ERBIN: variants seen among roughly 807,000 people sequenced by gnomAD.
ERBIN encodes the protein densin-180-like protein.
Under a neutral mutation model 158.4 loss-of-function variants are expected in ERBIN, and 60 were observed. The ratio of observed to expected loss-of-function variants is 0.38; its 90% CI spans 0.31 to 0.47. ERBIN has a LOEUF of 0.47. Ranked by LOEUF, ERBIN falls within the 20% of genes least tolerant of loss-of-function variation. The probability of loss-of-function intolerance (pLI) is 0.99; values close to 1 mark genes in which losing one functional copy is unlikely to be tolerated. For missense variants in ERBIN, 1,610 were observed against 1,648.0 expected (o/e 0.98, Z 0.40); for synonymous variants, 594 against 557.2 (o/e 1.07, Z -0.93).
At chr5:66,029,715 T>G (rs991198617) in intron 14 of ERBIN, among the ~76,000 whole-genome samples, 7 of 151,984 alleles carry the variant, frequency 4.6e-5, no homozygotes, top group Non-Finnish European at 1.0e-4. Flanking sequence ...AGCGATTCTC[T>G]TGCCTCAGCC....
chr5:65,958,757 A>G (rs529867809), intron 1 of ERBIN, among the ~76,000 whole-genome samples: 1 of 152,312 alleles, frequency 6.6e-6, no homozygotes, highest in African/African-American at 2.4e-5. Context: ...TACCAATACA[A>G]CCATTCAGTT....
rs1298465131 is a variant in ERBIN at position 66,078,809 on chromosome 5, T to G, written c.*279T>G. ...AAACCTGTGTTGTTTTTGTATAGAT[T>G]GTAGGTTTATTTTTGGATTTCATAT... On this transcript the variant is annotated 3_prime_UTR_variant, in exon 26 of 26. Transcript: ENST00000284037. The G allele has an allele frequency of 8.6e-6, 3 of 347,378 alleles. No individual in the cohort carries two copies. Among genetic ancestry groups the G allele is most frequent in the East Asian group, 1.4e-4 (2 of 13,864 alleles). 21.5% of individuals were successfully genotyped at this position (347,378 alleles called of 1,614,324 possible).
chr5:65,990,580 C>T (rs960385246), intron 2 of ERBIN, among the ~76,000 whole-genome samples: 1 of 151,672 alleles, frequency 6.6e-6, no homozygotes, highest in Admixed American at 6.6e-5. Context: ...ATGGCGTGAA[C>T]CCGGGCAGCG....
At chr5:65,990,675 A>G (rs1751772879) in intron 2 of ERBIN, among the ~76,000 whole-genome samples, 1 of 149,620 alleles carries the variant, frequency 6.7e-6, no homozygotes, top group African/African-American at 2.5e-5. Flanking sequence ...AATTGTAGTG[A>G]TGATGAAATG....
intron 21 of ERBIN, among the ~76,000 whole-genome samples, chr5:66,069,287 A>G (rs951857739): frequency 6.6e-6 from 1 of 152,230 alleles, no homozygotes; most frequent in African/African-American, 2.4e-5. Flanking sequence ...GAGATCTTCA[A>G]AAACTATTCT....
chr5:66,007,681 T>C (rs1753762800), intron 4 of ERBIN, among the ~76,000 whole-genome samples: 1 of 152,248 alleles, frequency 6.6e-6, no homozygotes, highest in African/African-American at 2.4e-5. Flanking sequence ...TTTGTTTTCC[T>C]TATTGCATTT....
intron 21 of ERBIN, chr5:66,068,904 A>G: frequency 6.5e-7 from 1 of 1,535,458 alleles, no homozygotes; most frequent in Non-Finnish European, 8.7e-7. Flanking sequence ...CTTTAATTCC[A>G]ATTTTACTAC....
At chr5:66,052,230 T>G (rs963329755) in intron 20 of ERBIN, among the ~76,000 whole-genome samples, 1 of 151,576 alleles carries the variant, frequency 6.6e-6, no homozygotes, top group African/African-American at 2.4e-5. Flanking sequence ...GGGTTACTAC[T>G]AAACCAAAAG....
chr5:66,002,009 C>A (rs535563189), intron 4 of ERBIN, among the ~76,000 whole-genome samples: 49 of 152,110 alleles, frequency 3.2e-4, no homozygotes, highest in Middle Eastern at 3.2e-3. Flanking sequence ...GTTCCCCTCC[C>A]TGCGTCCATG....
intron 14 of ERBIN, 74 bp from the exon 15 acceptor site, chr5:66,038,309 T>C (rs1169559753): frequency 2.2e-6 from 2 of 924,356 alleles, no homozygotes; most frequent in African/African-American, 3.3e-5. Context: ...TGGTGTGTAC[T>C]TATGCAGAGG....
chr5:66,060,142 A>G lies in ERBIN; in HGVS notation c.3633+5191A>G, dbSNP rs1201499020. The stretch of plus-strand genomic sequence containing the variant: ...CAGCTCCTCCTTGTAACTCTGGTAG[A>G]ATTCAGCTGTGAATCCATGTGGTCC... On this transcript the variant is annotated intron_variant, in intron 21 of 25. Coordinates refer to ENST00000284037, the MANE Select transcript of ERBIN (RefSeq NM_001253697.2). 2.0e-5 allele frequency among the ~76,000 whole-genome samples: 3 copies of G among 152,178 alleles called. No individual in the cohort carries two copies. In the East Asian group the frequency reaches 5.8e-4, roughly 29 times the overall value.
At chr5:65,926,982 T>C (rs1202798548) in intron 1 of ERBIN, among the ~76,000 whole-genome samples, 176 bp downstream of exon 1, 4 of 152,024 alleles carry the variant, frequency 2.6e-5, no homozygotes, top group Admixed American at 6.5e-5. Flanking sequence ...CCCCACCGCG[T>C]CCCTTCTCCC....
Position 66,078,559 on chromosome 5 carries a change from C to A in ERBIN, c.*29C>A, listed in dbSNP as rs369360103. 5.5e-5 allele frequency: 73 copies of A among 1,336,922 alleles called. No individual in the cohort carries two copies. In the African/African-American group the frequency reaches 9.1e-4, roughly 17 times the overall value. 82.8% of individuals were successfully genotyped at this position (1,336,922 alleles called of 1,614,324 possible). A position where few individuals can be genotyped will look rare whatever the true frequency, so the allele number is the denominator to read the frequency against. ...CTGTGGACAAAAAAAGCGGGGAAGA[C>A]AGCAAGATTTATTGGAAGATACTTA... On this transcript the variant is annotated 3_prime_UTR_variant, in exon 26 of 26. Transcript: ENST00000284037.
At chr5:66,004,103 A>AT (rs57148473) in intron 4 of ERBIN, among the ~76,000 whole-genome samples, 7,332 of 105,126 alleles carry the variant, frequency 0.07, 390 homozygotes, top group Admixed American at 0.17. Context: ...ATGCTCGGCT[A>AT]TTTTTTTTTT....
At chr5:65,976,920 C>A (rs1303607758) in intron 1 of ERBIN, among the ~76,000 whole-genome samples, 1 of 151,992 alleles carries the variant, frequency 6.6e-6, no homozygotes, top group Non-Finnish European at 1.5e-5. Context: ...CTACCTCTTT[C>A]TACACAGACA....
chr5:66,053,174 C>A (rs1759210609), intron 20 of ERBIN, among the ~76,000 whole-genome samples: 1 of 152,072 alleles, frequency 6.6e-6, no homozygotes, highest in Non-Finnish European at 1.5e-5. Context: ...GAAAATTAAT[C>A]TTGGTATTAT....
chr5:66,046,929 A>G (rs1254020797), intron 18 of ERBIN, among the ~76,000 whole-genome samples: 2 of 151,574 alleles, frequency 1.3e-5, no homozygotes, highest in Non-Finnish European at 2.9e-5. Context: ...CTTCTAGTGG[A>G]TAAATAAAAG....
rs150029619 is a variant in ERBIN, at chr5:65,967,685, C to T, written c.-57-20950C>T. Among the ~76,000 whole-genome samples the T allele has an allele frequency of 5.7e-4, 87 of 152,344 alleles. 1 individual carries two copies. Among genetic ancestry groups the T allele is most frequent in the Admixed American group, 6.5e-4 (10 of 15,306 alleles). Reference sequence around the variant, plus strand: ...CCTGTCAAGCAATGCACGATTGTTTCTTCCAACAAAGATGCCTTTGGTTAA... The same window carrying T: ...CCTGTCAAGCAATGCACGATTGTTTTTTCCAACAAAGATGCCTTTGGTTAA... On this transcript the variant is annotated intron_variant, in intron 1 of 25. Coordinates refer to ENST00000284037, the MANE Select transcript of ERBIN (RefSeq NM_001253697.2).
chr5:66,014,906 C>T (rs911111036), intron 7 of ERBIN, among the ~76,000 whole-genome samples, 181 bp downstream of exon 7: 1 of 152,028 alleles, frequency 6.6e-6, no homozygotes, highest in Non-Finnish European at 1.5e-5. Flanking sequence ...GTTGTTGGTG[C>T]TTAACGTGGT....
Sources: allele counts gnomAD v4.1 joint callset (sites outside exome capture counted in the v4.1 genomes callset), GRCh38; gene constraint gnomAD v4.1.1; transcripts MANE v1.5; gene names NCBI Gene and HGNC (gene_info 2026-07-23, HGNC 2026-07-21).